SLC44A1: variants seen among roughly 807,000 people sequenced by gnomAD.
SLC44A1 encodes solute carrier family 44 member 1.
Under a neutral mutation model 79.3 loss-of-function variants are expected in SLC44A1, and 26 were observed. That is an observed-to-expected ratio of 0.33 (90% CI 0.24 to 0.46). SLC44A1 has a LOEUF of 0.46. Among genes scored for constraint, SLC44A1 ranks in the 20% least tolerant of loss-of-function variants. The pLI, the probability that SLC44A1 is intolerant of heterozygous loss-of-function variation, is 1.00. For synonymous variants in SLC44A1, 263 were observed against 286.2 expected, an observed-to-expected ratio of 0.92 and a Z score of 0.82; for missense variants, 688 against 798.1, an observed-to-expected ratio of 0.86 and a Z score of 1.66.
intron 2 of SLC44A1, among the ~76,000 whole-genome samples, chr9:105,300,258 C>G (rs918828383): frequency 1.3e-5 from 2 of 152,154 alleles, no homozygotes; most frequent in Non-Finnish European, 1.5e-5. Context: ...TTTTCTAACA[C>G]CCCATTTCCT....
rs1363622594 is a variant in SLC44A1, at chr9:105,335,447, T to C, written c.270-116T>C. On this transcript the variant is annotated intron_variant, in intron 3 of 15. Coordinates refer to ENST00000374720, the MANE Select transcript of SLC44A1 (RefSeq NM_080546.5). ...TTTTTAAAATGTATTTATGATGAGA[T>C]TTTTATCGTGGAGGAATGTGGAATA... The C allele has an allele frequency of 5.6e-6, 4 of 711,182 alleles. No individual in the cohort carries two copies. The Admixed American group carries it at 1.1e-4, about 20-fold the overall frequency. 44.1% of individuals were successfully genotyped at this position (711,182 alleles called of 1,614,324 possible).
At chr9:105,418,358 G>T (rs1829202270) in intron 15 of SLC44A1, among the ~76,000 whole-genome samples, 1 of 148,432 alleles carries the variant, frequency 6.7e-6, no homozygotes, top group Admixed American at 6.7e-5. Context: ...AAGATAATTA[G>T]AAGTAAATAA....
intron 1 of SLC44A1, among the ~76,000 whole-genome samples, chr9:105,279,917 C>T (rs572801788): frequency 6.6e-6 from 1 of 152,188 alleles, no homozygotes; most frequent in South Asian, 2.1e-4. Context: ...CAGTTAGAAA[C>T]ATGTAGCATA....
intron 4 of SLC44A1, among the ~76,000 whole-genome samples, chr9:105,345,431 G>A (rs547536204): frequency 8.5e-5 from 13 of 152,250 alleles, no homozygotes; most frequent in East Asian, 5.8e-4. Context: ...TCTGTAGAAC[G>A]TATGTTTTTT....
chr9:105,312,785 A>G (rs1831214849), intron 3 of SLC44A1, among the ~76,000 whole-genome samples: 1 of 151,704 alleles, frequency 6.6e-6, no homozygotes. Flanking sequence ...TTTTTTCCCC[A>G]TGTTTGTTAG....
intron 15 of SLC44A1, among the ~76,000 whole-genome samples, chr9:105,404,326 G>C (rs138679823): frequency 0.014 from 2,148 of 151,860 alleles, 26 homozygotes; most frequent in Non-Finnish European, 0.019. Context: ...TGATTGGTTG[G>C]TGTAAGGGGC....
chr9:105,353,944 A>T (rs1019429673), intron 5 of SLC44A1, among the ~76,000 whole-genome samples: 1 of 152,016 alleles, frequency 6.6e-6, no homozygotes, highest in African/African-American at 2.4e-5. Context: ...GCATCCAGAC[A>T]ACCTCAGAAA....
At chr9:105,332,446 AG>A (rs1484770687) in intron 3 of SLC44A1, among the ~76,000 whole-genome samples, 1 of 152,166 alleles carries the variant, frequency 6.6e-6, no homozygotes, top group Admixed American at 6.5e-5. Context: ...AGACTATGGA[AG>A]GCAGGTAAGA....
At chr9:105,294,895 G>GTC (rs1469110953) in intron 1 of SLC44A1, 1 of 151,978 alleles carries the variant, frequency 6.6e-6, no homozygotes, top group African/African-American at 2.4e-5. Context: ...GTGTGTGTGT[G>GTC]TGTGTGTGTG....
chr9:105,429,831 T>C (rs1829369251), intron 15 of SLC44A1, among the ~76,000 whole-genome samples: 1 of 143,852 alleles, frequency 7.0e-6, no homozygotes. Context: ...ATCTCAATTT[T>C]ATTTAAATCT....
In SLC44A1 at chr9:105,392,690, T is replaced by G. The variant is rs1828793366; in HGVS notation, c.*3634T>G. 1 of 985,326 alleles carries G rather than the reference T, an allele frequency of 1.0e-6. No individual in the cohort carries two copies. Among genetic ancestry groups the G allele is most frequent in the African/African-American group, 1.7e-5 (1 of 57,220 alleles). 61.0% of individuals were successfully genotyped at this position (985,326 alleles called of 1,614,324 possible). ...ATCACTGCCCCTGAGGCTTCAACTA[T>G]TTCCACCATGCACTATTACTAGCTA... On this transcript the variant is annotated 3_prime_UTR_variant, in exon 16 of 16. Transcript: ENST00000374720.
At chr9:105,288,259 A>G (rs947754138) in intron 1 of SLC44A1, among the ~76,000 whole-genome samples, 7 of 149,664 alleles carry the variant, frequency 4.7e-5, no homozygotes, top group African/African-American at 1.8e-4. Context: ...TTGTAGATTT[A>G]TTTTCTATTA....
chr9:105,428,147 AT>A (rs1829346810), intron 15 of SLC44A1, among the ~76,000 whole-genome samples: 1 of 152,222 alleles, frequency 6.6e-6, no homozygotes, highest in African/African-American at 2.4e-5. Flanking sequence ...TAAATTTTTG[AT>A]AATTTCCTTA....
intron 15 of SLC44A1, among the ~76,000 whole-genome samples, chr9:105,405,245 G>A (rs1000777293): frequency 2.0e-5 from 3 of 151,592 alleles, no homozygotes; most frequent in African/African-American, 4.8e-5. Context: ...CTCTTGAATC[G>A]GGGAGGCGGA....
intron 1 of SLC44A1, among the ~76,000 whole-genome samples, chr9:105,283,010 A>T (rs551623263): frequency 1.3e-4 from 20 of 152,328 alleles, no homozygotes; most frequent in African/African-American, 4.1e-4. Context: ...GTCAGTGCAC[A>T]TTCAGTGGCC....
intron 5 of SLC44A1, among the ~76,000 whole-genome samples, chr9:105,350,993 C>T (rs1827388036): frequency 6.6e-6 from 1 of 152,084 alleles, no homozygotes. Context: ...AAAACAAATG[C>T]CTAGAAAGAG....
At chr9:105,434,106 G>C (rs530475824) in intron 15 of SLC44A1, among the ~76,000 whole-genome samples, 1 of 152,330 alleles carries the variant, frequency 6.6e-6, no homozygotes, top group African/African-American at 2.4e-5. Context: ...GGGAGGCCAA[G>C]GCGGACGGAA....
chr9:105,404,230 T>A (rs1828997947), intron 15 of SLC44A1, among the ~76,000 whole-genome samples: 2 of 97,820 alleles, frequency 2.0e-5, no homozygotes, highest in Admixed American at 1.3e-4. Context: ...GCAGGACTCA[T>A]CTCAAAAAAA....
chr9:105,417,838 A>C (rs986658089), intron 15 of SLC44A1, among the ~76,000 whole-genome samples: 3 of 122,052 alleles, frequency 2.5e-5, no homozygotes, highest in African/African-American at 1.3e-4. Context: ...TCTCATCCCT[A>C]CAAAAAAAAA....
Sources: gnomAD v4.1 joint callset for allele counts (sites outside exome capture counted in the v4.1 genomes callset) on GRCh38, gnomAD v4.1.1 for gene constraint, MANE v1.5 for transcripts, NCBI Gene and HGNC (gene_info 2026-07-23, HGNC 2026-07-21) for gene names.